OSER1: variants seen among roughly 807,000 people sequenced by gnomAD.
OSER1 encodes the protein oxidative stress responsive serine rich 1, also known as oxidative stress-responsive serine-rich protein 1.
Under a neutral mutation model 26.3 loss-of-function variants are expected in OSER1, and 15 were observed. The ratio of observed to expected loss-of-function variants is 0.57; its 90% CI spans 0.38 to 0.88. The LOEUF is 0.88. Among genes scored for constraint, OSER1 ranks in the 40% least tolerant of loss-of-function variants. The probability of loss-of-function intolerance (pLI) is 0.00; values close to 1 mark genes in which losing one functional copy is unlikely to be tolerated. For synonymous variants in OSER1, 127 were observed against 128.2 expected, an observed-to-expected ratio of 0.99 and a Z score of 0.07; for missense variants, 313 against 353.9, an observed-to-expected ratio of 0.88 and a Z score of 0.93.
chr20:44,196,626 T>C lies in OSER1; in HGVS notation c.*426A>G. The C allele has an allele frequency of 6.0e-6, 1 of 166,598 alleles. No individual in the cohort carries two copies. The highest frequency in any genetic ancestry group is 1.5e-4 in the South Asian group (1 of 6,484). The allele number at this position is 166,598 out of a possible 1,614,324, so 10.3% of individuals were successfully genotyped here. A position where few individuals can be genotyped will look rare whatever the true frequency, so the allele number is the denominator to read the frequency against. Reference sequence around the variant, plus strand: ...TCAGAGACGGTTTAAATCAGTCTTGTAACTTCTAATATTCTGGGCTGGCAA... The same window carrying C: ...TCAGAGACGGTTTAAATCAGTCTTGCAACTTCTAATATTCTGGGCTGGCAA... On this transcript the variant is annotated 3_prime_UTR_variant, in exon 4 of 4. Coordinates refer to ENST00000255174, the MANE Select transcript of OSER1 (RefSeq NM_016470.8).
At chr20:44,198,288 G>A (rs2072943031) in intron 3 of OSER1, among the ~76,000 whole-genome samples, 1 of 152,100 alleles carries the variant, frequency 6.6e-6, no homozygotes, top group African/African-American at 2.4e-5. Context: ...TCAGATACTG[G>A]GAATTACTGG....
intron 3 of OSER1, among the ~76,000 whole-genome samples, chr20:44,200,527 A>G (rs1329889049): frequency 2.0e-5 from 3 of 152,226 alleles, no homozygotes; most frequent in Non-Finnish European, 4.4e-5. Flanking sequence ...CTTTACAAAA[A>G]AAGTTTGTCA....
intron 3 of OSER1, among the ~76,000 whole-genome samples, chr20:44,201,829 G>C (rs1472531793): frequency 6.6e-6 from 1 of 152,100 alleles, no homozygotes; most frequent in African/African-American, 2.4e-5. Flanking sequence ...CAAAATCCTT[G>C]AAAACAATTG....
chr20:44,206,502 T>A (rs972757069), intron 2 of OSER1, among the ~76,000 whole-genome samples: 5 of 152,204 alleles, frequency 3.3e-5, no homozygotes, highest in African/African-American at 4.8e-5. Context: ...AATGTCTTCA[T>A]AGATTTCCAC....
intron 3 of OSER1, among the ~76,000 whole-genome samples, chr20:44,202,643 G>A (rs1196696757): frequency 6.6e-6 from 1 of 152,010 alleles, no homozygotes; most frequent in Non-Finnish European, 1.5e-5. Context: ...TCTATTATTT[G>A]TAAGTCAAGT....
chr20:44,197,275 C>A lies in OSER1; in HGVS notation c.656G>T (p.Gly219Val). The A allele has an allele frequency of 1.2e-6, 2 of 1,614,084 alleles. No homozygotes were observed. Among genetic ancestry groups the A allele is most frequent in the Non-Finnish European group, 8.5e-7 (1 of 1,179,916 alleles). Residue 219 changes from glycine to valine, a missense_variant, in exon 4 of 4, where the codon GGC (glycine) becomes GTC (valine). Transcript: ENST00000255174. ...WHDMEVYSFS[G>V]LQSVPPLAPE... ...AGCCAAGGGAGGGACACTCTGCAGG[C>A]CTGAAAAGGAATACACTTCCATATC...
intron 3 of OSER1, among the ~76,000 whole-genome samples, chr20:44,199,601 T>C (rs2072960281): frequency 6.6e-6 from 1 of 152,228 alleles, no homozygotes; most frequent in Non-Finnish European, 1.5e-5. Flanking sequence ...ATAAATCGTA[T>C]ACTGAGGTTG....
rs199512438 is a variant in OSER1, at chr20:44,197,645, T to C, written c.286A>G (p.Ser96Gly). The change falls in exon 4 of 4, where the codon AGT (serine) becomes GGT (glycine). Residue 96 changes from serine to glycine, a missense_variant. Physicochemically the swap from Ser to Gly is moderately conservative, Grantham distance 56 (BLOSUM62 0). Transcript: ENST00000255174. ...CTGCTGGAAGAAGACGCTATTGTAC[T>C]GCAATGTATAAACTTTGGAGGATGA... Reference protein sequence around the residue: ...VLHPPKFIHCSTIASSSSSQL... With the variant: ...VLHPPKFIHCGTIASSSSSQL... 5.6e-6 allele frequency: 9 copies of C among 1,613,872 alleles called. No individual in the cohort carries two copies. The Admixed American group carries it at 1.3e-4, about 24-fold the overall frequency.
In OSER1 at chr20:44,206,950, G is replaced by A. The variant is rs759075405; in HGVS notation, c.8C>T (p.Ser3Phe). 3.1e-6 allele frequency: 5 copies of A among 1,607,514 alleles called. No individual in the cohort carries two copies. The highest frequency in any genetic ancestry group is 4.3e-6 in the Non-Finnish European group (5 of 1,174,634). Reference sequence around the variant, plus strand: ...CTCCTCCTCTCCATCCTTGGCTTCGGATTTCATTGTGCAAGTTTTTACACT... The same window carrying A: ...CTCCTCCTCTCCATCCTTGGCTTCGAATTTCATTGTGCAAGTTTTTACACT... MK[S>F]EAKDGEEESL... Residue 3 changes from serine (S) to phenylalanine (F), a missense_variant, in exon 2 of 4, where the codon TCC (serine) becomes TTC (phenylalanine). Ser to Phe is a radical substitution (Grantham distance 155). Coordinates refer to ENST00000255174, the MANE Select transcript of OSER1 (RefSeq NM_016470.8).
Position 44,203,053 on chromosome 20 carries a change from A to G in OSER1, c.99T>C (p.Val33=). The change falls in exon 3 of 4, where the codon GTT becomes GTC. Residue 33 remains valine (V), a synonymous_variant. Transcript: ENST00000255174. The stretch of plus-strand genomic sequence containing the variant: ...GTGCTCTGACACCTGTGCCTTCTCC[A>G]ACAGACAGAGATGCTACAGACCTGA... ...DASGSVASLS[V]GEGTGVRAPV... is the part of the protein sequence containing the mutation. 6.2e-7 allele frequency: 1 copy of G among 1,609,524 alleles called. No homozygotes were observed.
chr20:44,202,922 A>C, intron 3 of OSER1, 39 bp downstream of exon 3: 2 of 1,150,822 alleles, frequency 1.7e-6, no homozygotes, highest in Non-Finnish European at 2.6e-6. Context: ...ATACTATTAT[A>C]ATATTGGAAT....
intron 2 of OSER1, among the ~76,000 whole-genome samples, chr20:44,205,832 C>G (rs1006551370): frequency 1.3e-5 from 2 of 149,474 alleles, no homozygotes; most frequent in Non-Finnish European, 3.0e-5. Flanking sequence ...CCCAGCTACT[C>G]GGGAGGCTGA....
At chr20:44,200,914 CTAATT>C (rs2072975360) in intron 3 of OSER1, among the ~76,000 whole-genome samples, 1 of 152,160 alleles carries the variant, frequency 6.6e-6, no homozygotes, top group Non-Finnish European at 1.5e-5. Flanking sequence ...TGAACTGTAC[CTAATT>C]TAAGTGCTAA....
Position 44,197,748 on chromosome 20 carries a change from G to GA in OSER1, c.192-10dup, listed in dbSNP as rs781639706. 2.9e-5 allele frequency: 46 copies of GA among 1,565,104 alleles called. No individual in the cohort carries two copies. Among genetic ancestry groups the GA allele is most frequent in the East Asian group, 4.5e-5 (2 of 44,182 alleles). On this transcript the variant is annotated splice_polypyrimidine_tract_variant and intron_variant, in intron 3 of 3. Coordinates refer to ENST00000255174, the MANE Select transcript of OSER1 (RefSeq NM_016470.8). Reference sequence around the variant, plus strand: ...AAGACTTCCTTGTAGACCTAAAGAGGAAAAAAAATATACAAGAAGATGTTG... The same window carrying GA: ...AAGACTTCCTTGTAGACCTAAAGAGGAAAAAAAAATATACAAGAAGATGTTG...
At chr20:44,203,626 A>T (rs903762284) in intron 2 of OSER1, among the ~76,000 whole-genome samples, 1 of 151,736 alleles carries the variant, frequency 6.6e-6, no homozygotes, top group African/African-American at 2.4e-5. Flanking sequence ...GAAAAACAGA[A>T]TCATCCATAC....
At chr20:44,208,506 T>A (rs897009763) in intron 1 of OSER1, among the ~76,000 whole-genome samples, 1 of 152,078 alleles carries the variant, frequency 6.6e-6, no homozygotes, top group African/African-American at 2.4e-5. Context: ...CGACGTATAT[T>A]TTGCTGGTTT....
intron 2 of OSER1, among the ~76,000 whole-genome samples, chr20:44,205,819 A>G (rs889416915): frequency 6.6e-6 from 1 of 151,944 alleles, no homozygotes; most frequent in Non-Finnish European, 1.5e-5. Context: ...GGCCGCCTGT[A>G]GTCCCAGCTA....
chr20:44,197,160 A>G lies in OSER1; in HGVS notation c.771T>C (p.Ala257=). ...TGGTCACATCATCCACGAAGACTCG[A>G]GCTTGCTCAGAACAGGATCGGGGAG... is the stretch of plus-strand genomic sequence containing the variant. The part of the protein sequence containing the change: ...SGSPRSCSEQ[A]RVFVDDVTIE... Residue 257 remains alanine, a synonymous_variant, in exon 4 of 4, where the codon GCT becomes GCC. Transcript: ENST00000255174. 1 of 1,614,134 alleles carries G rather than the reference A, an allele frequency of 6.2e-7. No individual in the cohort carries two copies. The highest frequency in any genetic ancestry group is 8.5e-7 in the Non-Finnish European group (1 of 1,179,946).
In OSER1 at chr20:44,196,832, G is replaced by A; in HGVS notation, c.*220C>T. On this transcript the variant is annotated 3_prime_UTR_variant, in exon 4 of 4. Transcript: ENST00000255174. ...CCCAGGAACATTTCTAAATAAGGGGGATTTTTCTTTGATCTGCTCGCCTTG... is the reference window on the plus strand; with the variant it reads ...CCCAGGAACATTTCTAAATAAGGGGAATTTTTCTTTGATCTGCTCGCCTTG... 1 of 477,052 alleles carries A rather than the reference G, an allele frequency of 2.1e-6. No homozygotes were observed. The highest frequency in any genetic ancestry group is 3.5e-5 in the South Asian group (1 of 28,246). 29.6% of individuals were successfully genotyped at this position (477,052 alleles called of 1,614,324 possible). A position where few individuals can be genotyped will look rare whatever the true frequency, so the allele number is the denominator to read the frequency against.
Sources: allele counts gnomAD v4.1 joint callset (sites outside exome capture counted in the v4.1 genomes callset), GRCh38; gene constraint gnomAD v4.1.1; transcripts MANE v1.5; gene names NCBI Gene and HGNC (gene_info 2026-07-23, HGNC 2026-07-21).